The following SLC39A11 variants were observed in gnomAD, a reference collection of about 807,000 sequenced individuals.
SLC39A11 encodes zinc transporter ZIP11.
A neutral mutation model predicts 36.1 loss-of-function variants in SLC39A11; 33 were observed. That is an observed-to-expected ratio of 0.91 (90% CI 0.69 to 1.22). The LOEUF is 1.22. SLC39A11 is among the 50% of genes most tolerant of loss of function. The pLI is 0.00. For missense variants in SLC39A11, 432 were observed against 430.3 expected (o/e 1.00, Z -0.03); for synonymous variants, 166 against 170.3 (o/e 0.97, Z 0.20).
chr17:72,831,310 A>G (rs2078277471), intron 6 of SLC39A11, among the ~76,000 whole-genome samples: 1 of 152,186 alleles, frequency 6.6e-6, no homozygotes. Context: ...AGCAGAAAGG[A>G]AATGGAATTT....
Position 72,867,509 on chromosome 17 carries a change from A to G in SLC39A11, c.431-17705T>C, listed in dbSNP as rs568375984. Among the ~76,000 whole-genome samples, 8 of 152,290 alleles carry G rather than the reference A, an allele frequency of 5.3e-5. No individual in the cohort carries two copies. The South Asian group carries it at 1.7e-3, about 32-fold the overall frequency. On this transcript the variant is annotated intron_variant, in intron 5 of 9. Coordinates refer to ENST00000255559, the MANE Select transcript of SLC39A11 (RefSeq NM_139177.4). ...CGTGAGCCTCCATCTCAATAAACAA[A>G]CAAACAAATAAAGGAAAGGGAGACA...
intron 6 of SLC39A11, among the ~76,000 whole-genome samples, chr17:72,847,403 TAAA>T (rs5821924): frequency 0.8 from 112,919 of 141,658 alleles, 46,043 homozygotes; most frequent in East Asian, 0.95. Flanking sequence ...CTCTGTCTCA[TAAA>T]AAAAAAAAAA....
chr17:72,714,374 T>A (rs975394994), intron 7 of SLC39A11, among the ~76,000 whole-genome samples: 1 of 145,974 alleles, frequency 6.9e-6, no homozygotes, highest in Non-Finnish European at 1.5e-5. Context: ...AAAAAAAAAA[T>A]TAATAAAAAT....
At chr17:72,836,867 T>C (rs1304742342) in intron 6 of SLC39A11, among the ~76,000 whole-genome samples, 1 of 152,178 alleles carries the variant, frequency 6.6e-6, no homozygotes, top group Admixed American at 6.5e-5. Flanking sequence ...CGCCGGCTAC[T>C]GAGAAGGCCC....
Position 72,852,205 on chromosome 17 carries a change from A to AAAAAAAAAAAAAAAC in SLC39A11, c.431-2402_431-2401insGTTTTTTTTTTTTTT. 7.0e-5 allele frequency among the ~76,000 whole-genome samples: 2 copies of AAAAAAAAAAAAAAAC among 28,432 alleles called. 1 individual carries two copies. The highest frequency in any genetic ancestry group is 1.1e-4 in the Non-Finnish European group (2 of 17,432). The allele number at this position is 28,432 out of a possible 152,430, so 18.7% of individuals were successfully genotyped here. On this transcript the variant is annotated intron_variant, in intron 5 of 9. Coordinates refer to ENST00000255559, the MANE Select transcript of SLC39A11 (RefSeq NM_139177.4). ...GGGCAACAGAGCAAGACTCCGTCTC[A>AAAAAAAAAAAAAAAC]AAAAAAAAAAAAAAAAAAAAAAACA...
intron 6 of SLC39A11, among the ~76,000 whole-genome samples, chr17:72,743,884 G>A (rs2074821554): frequency 6.6e-6 from 1 of 152,220 alleles, no homozygotes; most frequent in African/African-American, 2.4e-5. Context: ...CATTAGCTCA[G>A]GGAAAATGAA....
intron 3 of SLC39A11, among the ~76,000 whole-genome samples, chr17:73,051,396 G>A (rs2059493800): frequency 6.6e-6 from 1 of 152,106 alleles, no homozygotes; most frequent in Non-Finnish European, 1.5e-5. Context: ...GTGCAGACAG[G>A]AATTTGCAGG....
chr17:72,936,043 C>T (rs2084729181), intron 5 of SLC39A11, among the ~76,000 whole-genome samples: 1 of 151,998 alleles, frequency 6.6e-6, no homozygotes, highest in Non-Finnish European at 1.5e-5. Context: ...CTGAAAAATA[C>T]AAAAATCAGC....
intron 4 of SLC39A11, among the ~76,000 whole-genome samples, chr17:72,996,299 C>T (rs76790684): frequency 0.022 from 3,287 of 152,282 alleles, 96 homozygotes; most frequent in African/African-American, 0.059. Flanking sequence ...CCTCTATGTG[C>T]GTCCACGTTC....
intron 7 of SLC39A11, among the ~76,000 whole-genome samples, chr17:72,726,488 G>A (rs947925042): frequency 6.6e-5 from 10 of 152,086 alleles, no homozygotes; most frequent in Non-Finnish European, 1.5e-4. Context: ...TGCGGCCTGA[G>A]CAACAGAACA....
chr17:72,966,593 G>A (rs1005893798), intron 4 of SLC39A11, among the ~76,000 whole-genome samples: 8 of 152,038 alleles, frequency 5.3e-5, no homozygotes, highest in African/African-American at 1.4e-4. Flanking sequence ...TTTTTGAGAC[G>A]GAGGCTCGCT....
At chr17:73,081,622 T>C (rs2060511718) in intron 3 of SLC39A11, among the ~76,000 whole-genome samples, 1 of 113,692 alleles carries the variant, frequency 8.8e-6, no homozygotes, top group Admixed American at 8.8e-5. Flanking sequence ...TATATATATA[T>C]ATATATACAT....
chr17:72,850,663 A>G (rs1567821423), intron 5 of SLC39A11, among the ~76,000 whole-genome samples: 2 of 152,166 alleles, frequency 1.3e-5, no homozygotes, highest in Non-Finnish European at 2.9e-5. Flanking sequence ...GTAGTGCCAA[A>G]TAAGTTGTTT....
chr17:72,734,333 T>C (rs2074340142), intron 7 of SLC39A11, among the ~76,000 whole-genome samples: 1 of 152,186 alleles, frequency 6.6e-6, no homozygotes, highest in Non-Finnish European at 1.5e-5. Flanking sequence ...TCGTTCCTTC[T>C]CTGCAGCCTG....
rs117834068 is a variant in SLC39A11, at chr17:72,798,858, C to T, written c.601+50776G>A. 4.6e-5 allele frequency among the ~76,000 whole-genome samples: 7 copies of T among 152,174 alleles called. No homozygotes were observed. The East Asian group carries it at 1.2e-3, about 25-fold the overall frequency. On this transcript the variant is annotated intron_variant, in intron 6 of 9. Transcript: ENST00000255559. ...AAGCATTCAGTCCAGAGCAAACTGTCAGCATCTAGCTGGGGGAGGAAAATC... is the reference window on the plus strand; with the variant it reads ...AAGCATTCAGTCCAGAGCAAACTGTTAGCATCTAGCTGGGGGAGGAAAATC...
intron 6 of SLC39A11, among the ~76,000 whole-genome samples, chr17:72,798,596 G>T (rs1360642976): frequency 5.9e-5 from 9 of 151,812 alleles, no homozygotes; most frequent in African/African-American, 1.9e-4. Flanking sequence ...CGTTGGTCAG[G>T]CTGGTCTCGA....
chr17:73,041,877 T>C (rs17781172), intron 3 of SLC39A11, among the ~76,000 whole-genome samples: 6,542 of 152,328 alleles, frequency 0.043, 158 homozygotes, highest in Middle Eastern at 0.058. Flanking sequence ...GTTTCCCTCC[T>C]GTAGTTCTCA....
intron 7 of SLC39A11, among the ~76,000 whole-genome samples, chr17:72,680,253 C>T (rs78853674): frequency 0.046 from 6,972 of 152,144 alleles, 165 homozygotes; most frequent in African/African-American, 0.068. Flanking sequence ...CCCACCCCTA[C>T]CGCCCTCAGC....
intron 4 of SLC39A11, among the ~76,000 whole-genome samples, chr17:73,028,848 T>G (rs1598919654): frequency 6.7e-6 from 1 of 148,292 alleles, no homozygotes; most frequent in Admixed American, 6.7e-5. Context: ...CCGGGCACGG[T>G]GGCTCATGTC....
Sources: gnomAD v4.1 joint callset for allele counts (sites outside exome capture counted in the v4.1 genomes callset) on GRCh38, gnomAD v4.1.1 for gene constraint, MANE v1.5 for transcripts, NCBI Gene and HGNC (gene_info 2026-07-23, HGNC 2026-07-21) for gene names.